The following LTBP2 variants were observed in gnomAD, a reference collection of about 807,000 sequenced individuals.
LTBP2 encodes the protein latent transforming growth factor beta binding protein 2, also known as latent-transforming growth factor beta-binding protein 2.
Under a neutral mutation model 210.6 loss-of-function variants are expected in LTBP2, and 103 were observed. The ratio of observed to expected loss-of-function variants is 0.49; its 90% CI spans 0.42 to 0.58. The LOEUF is 0.58. LTBP2 is among the 20% of genes least tolerant of loss of function. The probability of loss-of-function intolerance (pLI) is 0.00; values close to 1 mark genes in which losing one functional copy is unlikely to be tolerated. For synonymous variants in LTBP2, 1,007 were observed against 1,015.0 expected, an observed-to-expected ratio of 0.99 and a Z score of 0.15; for missense variants, 2,313 against 2,494.5, an observed-to-expected ratio of 0.93 and a Z score of 1.55.
In LTBP2 at chr14:74,521,527, A is replaced by G. The variant is rs543946056; in HGVS notation, c.2788+384T>C. On this transcript the variant is annotated intron_variant, in intron 17 of 35. Coordinates refer to ENST00000261978, the MANE Select transcript of LTBP2 (RefSeq NM_000428.3). ...AGGCACACCTACTCCCAGGTCTGCCAGTAGTCCCAGCCTGGCATCCTTATG... is the reference window on the plus strand; with the variant it reads ...AGGCACACCTACTCCCAGGTCTGCCGGTAGTCCCAGCCTGGCATCCTTATG... 9.2e-5 allele frequency among the ~76,000 whole-genome samples: 14 copies of G among 152,242 alleles called. No individual in the cohort carries two copies. In the South Asian group the frequency reaches 1.5e-3, roughly 16 times the overall value.
chr14:74,520,405 A>G (rs528173648), intron 17 of LTBP2, among the ~76,000 whole-genome samples: 5 of 152,238 alleles, frequency 3.3e-5, no homozygotes, highest in Non-Finnish European at 7.3e-5. Context: ...TTGCTAAACT[A>G]TTAAATGGGG....
In LTBP2 at chr14:74,500,562, A is replaced by C. The variant is rs978955987; in HGVS notation, c.*322T>G. The stretch of plus-strand genomic sequence containing the variant: ...GCAGTGTGAGGCCATGGGGCCTTGC[A>C]TGCTCGCACAGCTTGGGAGGGTGGA... On this transcript the variant is annotated 3_prime_UTR_variant, in exon 36 of 36. Transcript: ENST00000261978. 2 of 483,764 alleles carry C rather than the reference A, an allele frequency of 4.1e-6. No homozygotes were observed. Among genetic ancestry groups the C allele is most frequent in the South Asian group, 2.0e-5 (1 of 48,800 alleles). The allele number at this position is 483,764 out of a possible 1,614,324, so 30.0% of individuals were successfully genotyped here.
intron 13 of LTBP2, 78 bp downstream of exon 13, chr14:74,527,269 T>C: frequency 6.5e-7 from 1 of 1,535,798 alleles, no homozygotes; most frequent in Admixed American, 1.8e-5. Context: ...CATGAGACAC[T>C]GCCCTGGGGC....
At chr14:74,516,222 G>A (rs1379271877) in intron 18 of LTBP2, among the ~76,000 whole-genome samples, 3 of 152,264 alleles carry the variant, frequency 2.0e-5, no homozygotes, top group Non-Finnish European at 2.9e-5. Context: ...TGACAGGGAC[G>A]TGGTGGCAGC....
chr14:74,563,639 A>G (rs1430213303), intron 3 of LTBP2, among the ~76,000 whole-genome samples: 2 of 152,210 alleles, frequency 1.3e-5, no homozygotes, highest in African/African-American at 4.8e-5. Context: ...AATCAAAAAA[A>G]GAATAATACC....
Position 74,505,149 on chromosome 14 carries a change from C to T in LTBP2, c.4203G>A (p.Thr1401=), listed in dbSNP as rs150977380. ...AGGQSMSEAP[T]GDHAPAPTRM... ...GGGTGGGGGCCGGGGCATGGTCCCCCGTTGGGGCCTCAGACATACTCTGAC... is the reference window on the plus strand; with the variant it reads ...GGGTGGGGGCCGGGGCATGGTCCCCTGTTGGGGCCTCAGACATACTCTGAC... The change falls in exon 29 of 36, where the codon ACG becomes ACA. Residue 1401 remains threonine, a synonymous_variant. Transcript: ENST00000261978. 3.6e-3 allele frequency: 5,792 copies of T among 1,613,456 alleles called. 22 individuals carry two copies. The highest frequency in any genetic ancestry group is 0.014 in the Middle Eastern group (85 of 6,062).
At chr14:74,508,431 G>A (rs866421960) in intron 24 of LTBP2, among the ~76,000 whole-genome samples, 173 bp downstream of exon 24, 7 of 152,054 alleles carry the variant, frequency 4.6e-5, no homozygotes, top group African/African-American at 7.3e-5. Context: ...ATCACTCCTC[G>A]CTCCCATCTT....
Position 74,506,967 on chromosome 14 carries a change from G to A in LTBP2, c.3908-144C>T. ...TACTTATTTGGCTTATTAGCACCAA[G>A]ACCTGTGAAAAGCAGCCTCTCAACC... On this transcript the variant is annotated intron_variant, in intron 26 of 35. Coordinates refer to ENST00000261978, the MANE Select transcript of LTBP2 (RefSeq NM_000428.3). 1.9e-6 allele frequency: 3 copies of A among 1,541,258 alleles called. No homozygotes were observed. In the East Asian group the frequency reaches 7.3e-5, roughly 38 times the overall value.
At chr14:74,607,951 T>C (rs1372342173) in intron 1 of LTBP2, among the ~76,000 whole-genome samples, 1 of 151,420 alleles carries the variant, frequency 6.6e-6, no homozygotes, top group Non-Finnish European at 1.5e-5. Flanking sequence ...TCTCGCTCTG[T>C]CGCCCAGGCC....
At chr14:74,581,192 A>G (rs939622019) in intron 3 of LTBP2, among the ~76,000 whole-genome samples, 1 of 152,218 alleles carries the variant, frequency 6.6e-6, no homozygotes, top group African/African-American at 2.4e-5. Context: ...GAGCTCTTCC[A>G]CTTTGGACAA....
intron 8 of LTBP2, among the ~76,000 whole-genome samples, chr14:74,542,932 A>C (rs1010026353): frequency 1.3e-5 from 2 of 151,766 alleles, no homozygotes; most frequent in African/African-American, 4.8e-5. Flanking sequence ...ACACCCAGCT[A>C]ATTTTTGTAT....
Position 74,611,996 on chromosome 14 carries a change from G to C in LTBP2, c.-52C>G, listed in dbSNP as rs757794652. 3 of 1,472,988 alleles carry C rather than the reference G, an allele frequency of 2.0e-6. No homozygotes were observed. The highest frequency in any genetic ancestry group is 2.7e-6 in the Non-Finnish European group (3 of 1,121,340). The allele number at this position is 1,472,988 out of a possible 1,614,324, so 91.2% of individuals were successfully genotyped here. A position where few individuals can be genotyped will look rare whatever the true frequency, so the allele number is the denominator to read the frequency against. ...GCGCGGGCACCGCGAAGAGCTTTGTGGTCGGCACGCTGGACGCCCGCGGGC... is the reference window on the plus strand; with the variant it reads ...GCGCGGGCACCGCGAAGAGCTTTGTCGTCGGCACGCTGGACGCCCGCGGGC... On this transcript the variant is annotated 5_prime_UTR_variant, in exon 1 of 36. Transcript: ENST00000261978.
chr14:74,555,565 C>T lies in LTBP2; in HGVS notation c.959G>A (p.Gly320Asp). The T allele has an allele frequency of 6.2e-7, 1 of 1,612,534 alleles. No individual in the cohort carries two copies. The highest frequency in any genetic ancestry group is 8.5e-7 in the Non-Finnish European group (1 of 1,179,202). ...LSSNALPPGP[G>D]LEQRDGTQQA... The stretch of plus-strand genomic sequence containing the variant: ...TTGGGTGCCATCTCTCTGCTCAAGG[C>T]CTGGTCCCGGGGGCAGGGCGTTGGA... The change falls in exon 4 of 36, where the codon GGC (glycine) becomes GAC (aspartate). Residue 320 changes from glycine to aspartate, a missense_variant. By Grantham distance (94) the Gly-to-Asp change is moderately conservative (BLOSUM62 -1). Transcript: ENST00000261978.
chr14:74,529,300 C>T lies in LTBP2; in HGVS notation c.1988-178G>A, dbSNP rs77795135. On this transcript the variant is annotated intron_variant, in intron 10 of 35. Coordinates refer to ENST00000261978, the MANE Select transcript of LTBP2 (RefSeq NM_000428.3). ...TCACAAGAACTTTAGGAGGAAGAGG[C>T]GTAGTGGAATGTTTCAGCACCTGCC... 0.038 allele frequency among the ~76,000 whole-genome samples: 5,784 copies of T among 152,260 alleles called. 142 individuals carry two copies. Among genetic ancestry groups the T allele is most frequent in the Middle Eastern group, 0.061 (18 of 294 alleles).
Position 74,543,377 on chromosome 14 carries a change from CA to C in LTBP2, c.1789+6485del, listed in dbSNP as rs71119305. Among the ~76,000 whole-genome samples the C allele has an allele frequency of 1.6e-3, 154 of 96,620 alleles. 1 individual carries two copies. Among genetic ancestry groups the C allele is most frequent in the African/African-American group, 6.3e-3 (128 of 20,366 alleles). The allele number at this position is 96,620 out of a possible 152,430, so 63.4% of individuals were successfully genotyped here. On this transcript the variant is annotated intron_variant, in intron 8 of 35. Coordinates refer to ENST00000261978, the MANE Select transcript of LTBP2 (RefSeq NM_000428.3). ...TGGGTGACAGAGCGAGACTCCGTCT[CA>C]AAAAAAAAAAAAAAAAAAACAGTGA...
At chr14:74,530,204 C>CT (rs2087332146) in intron 10 of LTBP2, among the ~76,000 whole-genome samples, 2 of 152,344 alleles carry the variant, frequency 1.3e-5, no homozygotes, top group Admixed American at 1.3e-4. Context: ...AGGCTGACGC[C>CT]TTTCTGGCTG....
chr14:74,510,334 C>G, intron 19 of LTBP2, 121 bp from the exon 20 acceptor site: 1 of 1,455,638 alleles, frequency 6.9e-7, no homozygotes, highest in Non-Finnish European at 9.4e-7. Flanking sequence ...GGCCGCAGGC[C>G]ACCTGGGGAG....
At chr14:74,594,088 G>A (rs1022533739) in intron 2 of LTBP2, among the ~76,000 whole-genome samples, 1 of 152,168 alleles carries the variant, frequency 6.6e-6, no homozygotes, top group African/African-American at 2.4e-5. Context: ...CCAGGACACA[G>A]AGCTGGGACT....
rs1261491703 is a variant in LTBP2 at position 74,586,376 on chromosome 14, G to A, written c.566-258C>T. 6.6e-6 allele frequency among the ~76,000 whole-genome samples: 1 copy of A among 152,058 alleles called. No individual in the cohort carries two copies. Among genetic ancestry groups the A allele is most frequent in the Admixed American group, 6.6e-5 (1 of 15,266 alleles). On this transcript the variant is annotated intron_variant, in intron 2 of 35. Transcript: ENST00000261978. The surrounding 1 kb of genome is among the most constrained non-coding windows in gnomAD (Gnocchi z 4.6). ...GCTGCAGAGTGGCTCACACCACCAC[G>A]TCCCACAGCACACCCTGAAGAGGAA... is the stretch of plus-strand genomic sequence containing the variant.
Sources: gnomAD v4.1 joint callset for allele counts (sites outside exome capture counted in the v4.1 genomes callset) on GRCh38, gnomAD v4.1.1 for gene constraint, Gnocchi (gnomAD v3.1) non-coding constraint, MANE v1.5 for transcripts, NCBI Gene and HGNC (gene_info 2026-07-23, HGNC 2026-07-21) for gene names.